Variants in ALG9 observed in about 807,000 individuals in gnomAD.
ALG9 encodes the protein ALG9 alpha-1,2-mannosyltransferase.
Under a neutral mutation model 81.8 loss-of-function variants are expected in ALG9, and 55 were observed. The ratio of observed to expected loss-of-function variants is 0.67; its 90% CI spans 0.54 to 0.84. The LOEUF (loss-of-function observed/expected upper bound fraction) is 0.84, where lower values mean the gene tolerates loss of function less well. ALG9 is among the 40% of genes least tolerant of loss of function. The pLI is 0.00. For synonymous variants in ALG9, 278 were observed against 274.3 expected (o/e 1.01, Z -0.13); for missense variants, 629 against 745.0 (o/e 0.84, Z 1.81).
chr11:111,852,420 T>A (rs1555139397), intron 8 of ALG9, among the ~76,000 whole-genome samples: 1 of 150,560 alleles, frequency 6.6e-6, no homozygotes. Flanking sequence ...AGGGAAGGAG[T>A]GGAGATGGGG....
intron 13 of ALG9, among the ~76,000 whole-genome samples, chr11:111,812,079 C>A (rs1950800520): frequency 1.3e-5 from 2 of 151,846 alleles, no homozygotes; most frequent in Admixed American, 6.6e-5. Flanking sequence ...TAAAGTAGAC[C>A]TTATTAATGT....
intron 13 of ALG9, among the ~76,000 whole-genome samples, chr11:111,810,773 A>C (rs1486981028): frequency 1.3e-5 from 2 of 152,226 alleles, no homozygotes; most frequent in East Asian, 3.8e-4. Flanking sequence ...TTTTAAAACA[A>C]TTAAAACCAA....
chr11:111,795,863 C>G (rs955384363), intron 14 of ALG9, among the ~76,000 whole-genome samples: 6 of 152,292 alleles, frequency 3.9e-5, no homozygotes, highest in Middle Eastern at 3.4e-3. Flanking sequence ...GACCTCAGTC[C>G]CATCAAGGTT....
intron 14 of ALG9, among the ~76,000 whole-genome samples, chr11:111,789,913 C>T (rs1947135942): frequency 6.6e-6 from 1 of 150,992 alleles, no homozygotes; most frequent in Non-Finnish European, 1.5e-5. Flanking sequence ...GCTGATAGAT[C>T]ATGTTCAAAA....
intron 9 of ALG9, among the ~76,000 whole-genome samples, chr11:111,841,948 G>A (rs1706317218): frequency 6.6e-6 from 1 of 152,176 alleles, no homozygotes; most frequent in Middle Eastern, 3.2e-3. Context: ...CCAAGCTGAA[G>A]TGCAGTGGCA....
Position 111,782,769 on chromosome 11 carries a change from G to A in ALG9, c.*3628C>T, listed in dbSNP as rs782181482. ...CCCAAATGGTCACCGTAGACCTCAT[G>A]CTGCAGAATCATATCAGGTTTTCAA... On this transcript the variant is annotated 3_prime_UTR_variant, in exon 15 of 15. Transcript: ENST00000616540. 4 of 152,152 alleles carry A rather than the reference G, an allele frequency of 2.6e-5. No individual in the cohort carries two copies. Among genetic ancestry groups the A allele is most frequent in the African/African-American group, 7.2e-5 (3 of 41,428 alleles). 9.4% of individuals were successfully genotyped at this position (152,152 alleles called of 1,614,324 possible).
At chr11:111,822,279 C>T (rs1952533015) in intron 13 of ALG9, among the ~76,000 whole-genome samples, 1 of 150,880 alleles carries the variant, frequency 6.6e-6, no homozygotes, top group African/African-American at 2.4e-5. Flanking sequence ...CACGGTGGCA[C>T]GTGCCTGTAG....
chr11:111,864,579 C>G, intron 4 of ALG9: 2 of 534,704 alleles, frequency 3.7e-6, no homozygotes, highest in Non-Finnish European at 6.9e-6. Context: ...CTGTAATATA[C>G]GAACTTCTAG....
rs75731009 is a variant in ALG9 at position 111,826,407 on chromosome 11, A to C, written c.1602+9758T>G. On this transcript the variant is annotated intron_variant, in intron 13 of 14. Transcript: ENST00000616540. ...TCCAGAGTTTAAAAAAAAAAAACAA[A>C]AAAAAACTTAGTACAAGAAGCTTAT... Among the ~76,000 whole-genome samples, 1,319 of 151,908 alleles carry C rather than the reference A, an allele frequency of 8.7e-3. 9 individuals are homozygous for C. The highest frequency in any genetic ancestry group is 0.051 in the Middle Eastern group (15 of 294).
chr11:111,845,639 G>C (rs909298057), intron 8 of ALG9, among the ~76,000 whole-genome samples: 3 of 152,230 alleles, frequency 2.0e-5, no homozygotes, highest in Admixed American at 6.5e-5. Flanking sequence ...ACATTTAGCA[G>C]GTTTTTCATC....
At position 111,842,453 on chromosome 11, in the gene ALG9, G is replaced by A. The variant is rs920130400; in HGVS notation, c.1019-1644C>T. Reference sequence around the variant, plus strand: ...TTTTTTTCTCTTGAGACAGGGTCTCGCTCTGTCACCCAGGCTGGAGCATAG... The same window carrying A: ...TTTTTTTCTCTTGAGACAGGGTCTCACTCTGTCACCCAGGCTGGAGCATAG... On this transcript the variant is annotated intron_variant, in intron 9 of 14. Transcript: ENST00000616540. 4.6e-5 allele frequency among the ~76,000 whole-genome samples: 7 copies of A among 151,480 alleles called. 1 individual carries two copies. The highest frequency in any genetic ancestry group is 1.3e-4 in the Admixed American group (2 of 15,212).
At chr11:111,835,258 T>C (rs1398459053) in intron 13 of ALG9, among the ~76,000 whole-genome samples, 2 of 152,258 alleles carry the variant, frequency 1.3e-5, no homozygotes, top group Admixed American at 6.5e-5. Context: ...ACAACGATCT[T>C]ACACTGTCTT....
chr11:111,860,591 AG>A lies in ALG9; in HGVS notation c.520del (p.Leu174Ter), dbSNP rs1555147060. 4 of 1,614,140 alleles carry A rather than the reference AG, an allele frequency of 2.5e-6. No individual in the cohort carries two copies. On this transcript the variant is annotated frameshift_variant, in exon 5 of 15. Coordinates refer to ENST00000616540, the MANE Select transcript of ALG9 (RefSeq NM_024740.2). LOFTEE classifies it high-confidence loss of function. ...GCCAGTGCTGAGAACCAAGAAGGCT[AG>A]CATCATTCGACTCACGTGCAACCCA... is the stretch of plus-strand genomic sequence containing the variant. ...KFGLHVSRMM[L>X]AFLVLSTGMF...
intron 4 of ALG9, chr11:111,864,281 A>T: frequency 8.8e-7 from 1 of 1,134,866 alleles, no homozygotes; most frequent in Non-Finnish European, 1.3e-6. Flanking sequence ...CGTTGCCGCT[A>T]TGAAGAAAGT....
At chr11:111,805,331 G>A (rs561159308) in intron 14 of ALG9, 5 of 456,032 alleles carry the variant, frequency 1.1e-5, no homozygotes, top group Admixed American at 2.3e-5. Flanking sequence ...AGAAGTAAAC[G>A]TTTGTTGTTT....
At chr11:111,807,974 G>A (rs1950173864) in intron 14 of ALG9, among the ~76,000 whole-genome samples, 1 of 152,164 alleles carries the variant, frequency 6.6e-6, no homozygotes, top group South Asian at 2.1e-4. Context: ...GGAAGCTGAG[G>A]TGGGAGGACT....
intron 4 of ALG9, chr11:111,864,386 C>T (rs1961547413): frequency 1.3e-6 from 1 of 765,486 alleles, no homozygotes; most frequent in South Asian, 1.4e-5. Context: ...GAATGTTCAA[C>T]ATGACCCTCT....
chr11:111,786,158 A>AG lies in ALG9; in HGVS notation c.*238dup. 1.7e-6 allele frequency: 1 copy of AG among 594,526 alleles called. No individual in the cohort carries two copies. Among genetic ancestry groups the AG allele is most frequent in the Admixed American group, 2.1e-5 (1 of 46,622 alleles). The allele number at this position is 594,526 out of a possible 1,614,324, so 36.8% of individuals were successfully genotyped here. A position where few individuals can be genotyped will look rare whatever the true frequency, so the allele number is the denominator to read the frequency against. ...GGAGCAATATATCTATCTGTGCTTT[A>AG]GGGCCTTTCTCTGCCTAGCTGCAAA... is the stretch of plus-strand genomic sequence containing the variant. On this transcript the variant is annotated 3_prime_UTR_variant, in exon 15 of 15. Coordinates refer to ENST00000616540, the MANE Select transcript of ALG9 (RefSeq NM_024740.2).
In ALG9 at chr11:111,859,529, G is replaced by T. The variant is rs1352112428; in HGVS notation, c.565+1018C>A. Reference sequence around the variant, plus strand: ...CAAAAAAAAAGAAAAGAAAAGAAAAGAAAAAAAGTAGTAGGAAAGCAACTT... The same window carrying T: ...CAAAAAAAAAGAAAAGAAAAGAAAATAAAAAAAGTAGTAGGAAAGCAACTT... On this transcript the variant is annotated intron_variant, in intron 5 of 14. Transcript: ENST00000616540. Among the ~76,000 whole-genome samples, 3 of 151,312 alleles carry T rather than the reference G, an allele frequency of 2.0e-5. No individual in the cohort carries two copies. The East Asian group carries it at 5.8e-4, about 29-fold the overall frequency.
Sources: gnomAD v4.1 joint callset for allele counts (sites outside exome capture counted in the v4.1 genomes callset) on GRCh38, gnomAD v4.1.1 for gene constraint, MANE v1.5 for transcripts, NCBI Gene and HGNC (gene_info 2026-07-23, HGNC 2026-07-21) for gene names.